Variants in PCDH7 observed in about 807,000 individuals in gnomAD.
PCDH7 encodes protocadherin-7.
Under a neutral mutation model 58.9 loss-of-function variants are expected in PCDH7, and 17 were observed. The ratio of observed to expected loss-of-function variants is 0.29; its 90% CI spans 0.20 to 0.43. The LOEUF is 0.43. Ranked by LOEUF, PCDH7 falls within the 20% of genes least tolerant of loss-of-function variation. The pLI is 1.00. For missense variants in PCDH7, 1,274 were observed against 1,441.0 expected (o/e 0.88, Z 1.88); for synonymous variants, 664 against 616.4 (o/e 1.08, Z -1.14).
chr4:30,934,082 T>C (rs1745029515), intron 2 of PCDH7, among the ~76,000 whole-genome samples: 2 of 152,250 alleles, frequency 1.3e-5, no homozygotes, highest in Admixed American at 6.5e-5. Flanking sequence ...AATTCAATTT[T>C]GAGAGGCATT....
chr4:31,005,367 CA>C (rs1197240845), intron 3 of PCDH7, among the ~76,000 whole-genome samples: 1 of 152,146 alleles, frequency 6.6e-6, no homozygotes, highest in Non-Finnish European at 1.5e-5. Context: ...GGAGGTGCCA[CA>C]GGGGCAGTGG....
At chr4:30,841,965 TA>T (rs144519207) in intron 1 of PCDH7, among the ~76,000 whole-genome samples, 2,155 of 152,170 alleles carry the variant, frequency 0.014, 45 homozygotes, top group African/African-American at 0.049. Flanking sequence ...TAATATTATA[TA>T]TTTTTTTAGG....
chr4:31,101,836 G>C (rs545594097), intron 3 of PCDH7, among the ~76,000 whole-genome samples: 4 of 152,172 alleles, frequency 2.6e-5, no homozygotes, highest in Admixed American at 2.6e-4. Context: ...TGTTCCCCTT[G>C]TGTGCTTGTT....
At chr4:30,998,055 G>A (rs1463304838) in intron 3 of PCDH7, among the ~76,000 whole-genome samples, 1 of 152,128 alleles carries the variant, frequency 6.6e-6, no homozygotes, top group Non-Finnish European at 1.5e-5. Flanking sequence ...TCTGCCAGGG[G>A]AAGCTTGAGC....
At chr4:31,065,350 T>A (rs1757998429) in intron 3 of PCDH7, among the ~76,000 whole-genome samples, 1 of 152,004 alleles carries the variant, frequency 6.6e-6, no homozygotes, top group South Asian at 2.1e-4. Flanking sequence ...TAAGGCTGTC[T>A]GAGAGGCAGA....
chr4:30,884,680 G>A (rs1203899127), intron 1 of PCDH7: 1 of 152,160 alleles, frequency 6.6e-6, no homozygotes, highest in Non-Finnish European at 1.5e-5. Flanking sequence ...CTGCTAAAAT[G>A]AGAATGGAGA....
At chr4:31,000,962 G>A (rs1461623242) in intron 3 of PCDH7, among the ~76,000 whole-genome samples, 2 of 152,066 alleles carry the variant, frequency 1.3e-5, no homozygotes, top group Non-Finnish European at 2.9e-5. Context: ...TATATAGATG[G>A]TGAAGCATCA....
intron 3 of PCDH7, among the ~76,000 whole-genome samples, chr4:31,113,587 C>T (rs1338666925): frequency 2.0e-5 from 3 of 152,044 alleles, no homozygotes; most frequent in African/African-American, 7.2e-5. Flanking sequence ...TGTATAGTCT[C>T]ACGCTGCATA....
At chr4:30,747,880 G>T (rs1409549973) in intron 1 of PCDH7, among the ~76,000 whole-genome samples, 2 of 152,130 alleles carry the variant, frequency 1.3e-5, no homozygotes, top group East Asian at 1.9e-4. Context: ...TATTATTTGG[G>T]TAGACTCCAG....
intron 1 of PCDH7, among the ~76,000 whole-genome samples, chr4:30,905,575 A>C (rs1423552799): frequency 6.6e-6 from 1 of 152,218 alleles, no homozygotes; most frequent in Non-Finnish European, 1.5e-5. Context: ...CTGACTTTGC[A>C]GCATGTAGAT....
At chr4:30,934,899 C>A (rs892024708) in intron 2 of PCDH7, among the ~76,000 whole-genome samples, 2 of 152,054 alleles carry the variant, frequency 1.3e-5, no homozygotes, top group African/African-American at 4.8e-5. Context: ...GAACCTGGGT[C>A]AATTCATGTA....
At chr4:30,879,710 C>T (rs546317464) in intron 1 of PCDH7, among the ~76,000 whole-genome samples, 1 of 152,172 alleles carries the variant, frequency 6.6e-6, no homozygotes, top group East Asian at 1.9e-4. Context: ...TTTACATATT[C>T]ATAACCCTGC....
At chr4:30,927,590 G>A (rs1213550957) in intron 2 of PCDH7, among the ~76,000 whole-genome samples, 1 of 152,040 alleles carries the variant, frequency 6.6e-6, no homozygotes, top group Non-Finnish European at 1.5e-5. Context: ...CATGTGCTGT[G>A]CCCACTCAGG....
At chr4:31,104,986 A>G (rs957586590) in intron 3 of PCDH7, among the ~76,000 whole-genome samples, 2 of 152,236 alleles carry the variant, frequency 1.3e-5, no homozygotes, top group African/African-American at 4.8e-5. Flanking sequence ...ACACATGACA[A>G]TTGGTATGTG....
intron 3 of PCDH7, among the ~76,000 whole-genome samples, chr4:31,009,517 T>C (rs1753019378): frequency 6.6e-6 from 1 of 152,038 alleles, no homozygotes; most frequent in East Asian, 1.9e-4. Flanking sequence ...AACACTGTGG[T>C]AGCAAGTTCT....
At chr4:30,907,456 T>C (rs971327011) in intron 1 of PCDH7, among the ~76,000 whole-genome samples, 6 of 152,164 alleles carry the variant, frequency 3.9e-5, no homozygotes, top group African/African-American at 9.7e-5. Context: ...GAACGGACAC[T>C]TCTCAAAAGA....
chr4:30,746,840 C>T (rs982304169), intron 1 of PCDH7, among the ~76,000 whole-genome samples: 5 of 151,794 alleles, frequency 3.3e-5, no homozygotes, highest in African/African-American at 1.2e-4. Flanking sequence ...TCTTTTATTC[C>T]TCTCCTTTCT....
intron 3 of PCDH7, among the ~76,000 whole-genome samples, chr4:31,058,496 A>G (rs1363285817): frequency 6.6e-6 from 1 of 152,104 alleles, no homozygotes; most frequent in African/African-American, 2.4e-5. Flanking sequence ...CATTTTAGTT[A>G]GGCAGAGTGC....
chr4:31,048,458 T>G (rs901473634), intron 3 of PCDH7, among the ~76,000 whole-genome samples: 32 of 152,132 alleles, frequency 2.1e-4, no homozygotes, highest in African/African-American at 7.7e-4. Flanking sequence ...TTTTTAGTCT[T>G]CAGGCTTGAT....
Sources: gnomAD v4.1 joint callset for allele counts (sites outside exome capture counted in the v4.1 genomes callset) on GRCh38, gnomAD v4.1.1 for gene constraint, MANE v1.5 for transcripts, NCBI Gene and HGNC (gene_info 2026-07-23, HGNC 2026-07-21) for gene names.